The following TINAG variants were observed in gnomAD, a reference collection of about 807,000 sequenced individuals.
TINAG encodes the protein tubulointerstitial nephritis antigen.
In TINAG, 83 loss-of-function variants were observed where a neutral mutation model predicts 72.7. The ratio of observed to expected loss-of-function variants is 1.14; its 90% CI spans 0.96 to 1.37. TINAG has a LOEUF of 1.37. Ranked by LOEUF, TINAG falls within the 40% of genes most tolerant of loss-of-function variation. The pLI, the probability that TINAG is intolerant of heterozygous loss-of-function variation, is 0.00. For missense variants in TINAG, 685 were observed against 576.6 expected, an observed-to-expected ratio of 1.19 and a Z score of -1.93; for synonymous variants, 234 against 189.9, an observed-to-expected ratio of 1.23 and a Z score of -1.91.
At chr6:54,321,607 G>C (rs1434349924) in intron 3 of TINAG, among the ~76,000 whole-genome samples, 1 of 152,136 alleles carries the variant, frequency 6.6e-6, no homozygotes, top group African/African-American at 2.4e-5. Context: ...AATTATCTAG[G>C]AAAGAGCAAT....
At chr6:54,324,912 A>G (rs1297142583) in intron 3 of TINAG, among the ~76,000 whole-genome samples, 1 of 152,200 alleles carries the variant, frequency 6.6e-6, no homozygotes, top group East Asian at 1.9e-4. Flanking sequence ...TGTCCTTAGC[A>G]TAAATAACAT....
chr6:54,318,037 T>A (rs1784412063), intron 1 of TINAG, among the ~76,000 whole-genome samples: 1 of 152,074 alleles, frequency 6.6e-6, no homozygotes, highest in Admixed American at 6.6e-5. Flanking sequence ...CAATTTTCTG[T>A]TCCCTCACAG....
At position 54,327,023 on chromosome 6, in the gene TINAG, A is replaced by C. The variant is rs1784620363; in HGVS notation, c.624+107A>C. ...CTAAAATAATGAGTTTTGAGCTTTC[A>C]GTCATAATTTTGTCACATAAATAAA... On this transcript the variant is annotated intron_variant, in intron 4 of 10. Transcript: ENST00000259782. 8 of 1,555,018 alleles carry C rather than the reference A, an allele frequency of 5.1e-6. No homozygotes were observed. The South Asian group carries it at 8.4e-5, about 16-fold the overall frequency.
intron 10 of TINAG, among the ~76,000 whole-genome samples, chr6:54,385,605 G>A (rs1764075244): frequency 6.6e-6 from 1 of 151,840 alleles, no homozygotes; most frequent in Non-Finnish European, 1.5e-5. Context: ...TCCTTTCAGG[G>A]AATAGGAAAT....
Position 54,345,228 on chromosome 6 carries a change from T to C in TINAG, c.748+1879T>C, listed in dbSNP as rs1030536670. Among the ~76,000 whole-genome samples the C allele has an allele frequency of 2.6e-5, 4 of 152,184 alleles. No homozygotes were observed. In the East Asian group the frequency reaches 5.8e-4, roughly 22 times the overall value. On this transcript the variant is annotated intron_variant, in intron 5 of 10. Transcript: ENST00000259782. Reference sequence around the variant, plus strand: ...GTTGAACTGAGTCATTCTTAAATATTCTGACCTTTTCTAAATATTTCAAGT... The same window carrying C: ...GTTGAACTGAGTCATTCTTAAATATCCTGACCTTTTCTAAATATTTCAAGT...
Position 54,380,575 on chromosome 6 carries a change from T to A in TINAG, c.1296+4T>A. 1 of 1,609,526 alleles carries A rather than the reference T, an allele frequency of 6.2e-7. No individual in the cohort carries two copies. Among genetic ancestry groups the A allele is most frequent in the Non-Finnish European group, 8.5e-7 (1 of 1,177,014 alleles). Reference sequence around the variant, plus strand: ...AGGGCAGAAAGAAAAATTTTGGGTATGTAACTCTTTCCAGTTGAATTCCTG... The same window carrying A: ...AGGGCAGAAAGAAAAATTTTGGGTAAGTAACTCTTTCCAGTTGAATTCCTG... On this transcript the variant is annotated splice_donor_region_variant and intron_variant, in intron 10 of 10. Transcript: ENST00000259782.
Position 54,389,985 on chromosome 6 carries a change from C to G in TINAG, c.*60C>G. The G allele has an allele frequency of 6.4e-7, 1 of 1,574,448 alleles. No individual in the cohort carries two copies. Among genetic ancestry groups the G allele is most frequent in the Non-Finnish European group, 8.6e-7 (1 of 1,163,356 alleles). On this transcript the variant is annotated 3_prime_UTR_variant, in exon 11 of 11. Coordinates refer to ENST00000259782, the MANE Select transcript of TINAG (RefSeq NM_014464.4). ...AGTAACCCCCTAAATTGAAGTTTAG[C>G]AATATGACATTCTTGGTGACAGTGG...
chr6:54,350,645 C>A (rs9474818), intron 7 of TINAG, among the ~76,000 whole-genome samples: 208 of 147,566 alleles, frequency 1.4e-3, no homozygotes, highest in African/African-American at 5.1e-3. Context: ...GGTTATCAAG[C>A]CTTTCCATCT....
intron 9 of TINAG, among the ~76,000 whole-genome samples, chr6:54,363,388 G>T (rs1001983915): frequency 1.3e-5 from 2 of 151,450 alleles, no homozygotes; most frequent in Admixed American, 1.3e-4. Context: ...TTTGGACTTG[G>T]TAAGATGGTG....
chr6:54,387,024 C>A (rs1764117593), intron 10 of TINAG, among the ~76,000 whole-genome samples: 1 of 152,050 alleles, frequency 6.6e-6, no homozygotes, highest in East Asian at 1.9e-4. Flanking sequence ...TCTGACAAGT[C>A]CTCACATATA....
chr6:54,366,052 G>A (rs1763404083), intron 9 of TINAG, among the ~76,000 whole-genome samples: 2 of 151,536 alleles, frequency 1.3e-5, no homozygotes, highest in Admixed American at 6.6e-5. Flanking sequence ...CATAATCACG[G>A]TAGTAGAACT....
chr6:54,343,462 C>G (rs1582722566), intron 5 of TINAG, 113 bp downstream of exon 5: 1 of 1,018,288 alleles, frequency 9.8e-7, no homozygotes, highest in South Asian at 4.3e-5. Flanking sequence ...AGCATATGAT[C>G]AAATAAAATC....
chr6:54,365,493 G>A (rs1358592839), intron 9 of TINAG: 1 of 151,458 alleles, frequency 6.6e-6, no homozygotes, highest in East Asian at 1.9e-4. Context: ...TCATCTGTGA[G>A]GGTCACATGT....
chr6:54,365,317 A>G (rs1582745012), intron 9 of TINAG: 1 of 151,652 alleles, frequency 6.6e-6, no homozygotes, highest in South Asian at 2.1e-4. Context: ...TTTGAATAAC[A>G]GTAGCCACTA....
At chr6:54,375,743 T>C (rs1763760160) in intron 9 of TINAG, among the ~76,000 whole-genome samples, 1 of 152,180 alleles carries the variant, frequency 6.6e-6, no homozygotes, top group Non-Finnish European at 1.5e-5. Context: ...AACGTTACTT[T>C]ATGGGTCTTA....
At chr6:54,322,614 G>A (rs1784518582) in intron 3 of TINAG, among the ~76,000 whole-genome samples, 1 of 152,104 alleles carries the variant, frequency 6.6e-6, no homozygotes, top group Admixed American at 6.6e-5. Flanking sequence ...TTGTTTCCCA[G>A]CATAATGGGG....
intron 4 of TINAG, among the ~76,000 whole-genome samples, chr6:54,341,038 G>A (rs1784984978): frequency 6.6e-6 from 1 of 152,020 alleles, no homozygotes; most frequent in Non-Finnish European, 1.5e-5. Flanking sequence ...GCTGAATTGT[G>A]TTTAAAGTAA....
chr6:54,314,849 A>T (rs1784336175), intron 1 of TINAG, among the ~76,000 whole-genome samples: 1 of 152,136 alleles, frequency 6.6e-6, no homozygotes, highest in Non-Finnish European at 1.5e-5. Context: ...TTAGGGTCAT[A>T]GTTTATGTAG....
intron 4 of TINAG, among the ~76,000 whole-genome samples, chr6:54,341,977 G>A (rs1249016623): frequency 6.6e-6 from 1 of 151,764 alleles, no homozygotes; most frequent in Non-Finnish European, 1.5e-5. Flanking sequence ...TATCACATAG[G>A]AATATTGAGA....
Sources: gnomAD v4.1 joint callset for allele counts (sites outside exome capture counted in the v4.1 genomes callset) on GRCh38, gnomAD v4.1.1 for gene constraint, MANE v1.5 for transcripts, NCBI Gene and HGNC (gene_info 2026-07-23, HGNC 2026-07-21) for gene names.